EYA2: variants seen among roughly 807,000 people sequenced by gnomAD.
The protein encoded by EYA2 is EYA transcriptional coactivator and phosphatase 2.
Under a neutral mutation model 69.2 loss-of-function variants are expected in EYA2, and 31 were observed. The observed-to-expected ratio is 0.45, with a 90% CI of 0.34 to 0.60. The LOEUF is 0.60. Among genes scored for constraint, EYA2 ranks in the 20% least tolerant of loss-of-function variants. The pLI is 0.02. For missense variants in EYA2, 622 were observed against 701.2 expected, an observed-to-expected ratio of 0.89 and a Z score of 1.28; for synonymous variants, 257 against 279.4, an observed-to-expected ratio of 0.92 and a Z score of 0.80.
At chr20:47,077,405 G>A (rs1442706896) in intron 7 of EYA2, among the ~76,000 whole-genome samples, 1 of 152,246 alleles carries the variant, frequency 6.6e-6, no homozygotes, top group East Asian at 1.9e-4. Context: ...ACGTTAGAAT[G>A]TCAGTAGATA....
In EYA2 at chr20:47,005,097, C is replaced by T; in HGVS notation, c.298+13C>T. On this transcript the variant is annotated intron_variant, in intron 4 of 15. Transcript: ENST00000327619. ...ATCCCTTCCTACAGTGAGTAGTAAACAAGTCCTTACTCTCCTCCTCAGGTC... is the reference window on the plus strand; with the variant it reads ...ATCCCTTCCTACAGTGAGTAGTAAATAAGTCCTTACTCTCCTCCTCAGGTC... 1 of 1,612,570 alleles carries T rather than the reference C, an allele frequency of 6.2e-7. No homozygotes were observed. The highest frequency in any genetic ancestry group is 8.5e-7 in the Non-Finnish European group (1 of 1,179,284).
rs2034353386 is a variant in EYA2, at chr20:47,172,886, G to C, written c.1198+19G>C. 1 of 1,591,020 alleles carries C rather than the reference G, an allele frequency of 6.3e-7. No homozygotes were observed. Among genetic ancestry groups the C allele is most frequent in the African/African-American group, 1.3e-5 (1 of 74,408 alleles). ...GTTGGTGGTGAGTACTGTGAGCCTT[G>C]GGCCTCCGAGGAAGGGAAACTCATT... is the stretch of plus-strand genomic sequence containing the variant. On this transcript the variant is annotated intron_variant, in intron 12 of 15. Transcript: ENST00000327619.
chr20:46,903,974 A>G (rs140853822), intron 1 of EYA2, among the ~76,000 whole-genome samples: 107 of 152,328 alleles, frequency 7.0e-4, no homozygotes, highest in Middle Eastern at 3.4e-3. Context: ...ATTATGGGGA[A>G]CAGTGCACTG....
intron 7 of EYA2, among the ~76,000 whole-genome samples, chr20:47,088,534 A>G (rs1600700209): frequency 6.6e-6 from 1 of 152,244 alleles, no homozygotes; most frequent in South Asian, 2.1e-4. Flanking sequence ...CTAGCCCCAT[A>G]TAAATGAGTC....
chr20:47,091,053 A>G lies in EYA2; in HGVS notation c.804+1672A>G, dbSNP rs1182546604. 2.0e-5 allele frequency among the ~76,000 whole-genome samples: 3 copies of G among 152,166 alleles called. No individual in the cohort carries two copies. In the East Asian group the frequency reaches 5.8e-4, roughly 29 times the overall value. On this transcript the variant is annotated intron_variant, in intron 8 of 15. Transcript: ENST00000327619. Reference sequence around the variant, plus strand: ...CACCAGCGTCACATCCCTATTTATAATCTGTATACTTTATGCGGCAGCTGC... The same window carrying G: ...CACCAGCGTCACATCCCTATTTATAGTCTGTATACTTTATGCGGCAGCTGC...
intron 5 of EYA2, among the ~76,000 whole-genome samples, chr20:47,022,438 CA>C (rs1457683136): frequency 1.3e-5 from 2 of 152,040 alleles, no homozygotes; most frequent in African/African-American, 2.4e-5. Flanking sequence ...CTCAGTCTCC[CA>C]AGTAGCTGGG....
intron 1 of EYA2, among the ~76,000 whole-genome samples, chr20:46,912,687 A>ATTTTTTTTTTTTTTTTTTTTTTTTTT (rs11473019): frequency 6.9e-6 from 1 of 145,714 alleles, no homozygotes. Flanking sequence ...GGAATTTTTA[A>ATTTTTTTTTTTTTTTTTTTTTTTTTT]TTTTTTTTTT....
intron 9 of EYA2, among the ~76,000 whole-genome samples, chr20:47,138,049 T>C (rs1014176198): frequency 2.6e-5 from 4 of 151,256 alleles, no homozygotes; most frequent in Admixed American, 2.6e-4. Context: ...AAATGACGAG[T>C]TAATGGGTGC....
chr20:47,097,497 C>T (rs187360310), intron 9 of EYA2, among the ~76,000 whole-genome samples: 1 of 152,208 alleles, frequency 6.6e-6, no homozygotes, highest in East Asian at 1.9e-4. Flanking sequence ...GTAATTCTAG[C>T]TAGAAAACGA....
At chr20:47,062,250 A>G (rs2030921471) in intron 5 of EYA2, among the ~76,000 whole-genome samples, 1 of 152,186 alleles carries the variant, frequency 6.6e-6, no homozygotes, top group Admixed American at 6.5e-5. Flanking sequence ...AAATGTACAC[A>G]TCCTCAGCAT....
intron 9 of EYA2, among the ~76,000 whole-genome samples, chr20:47,136,828 G>A (rs769069973): frequency 7.2e-5 from 11 of 151,776 alleles, no homozygotes; most frequent in African/African-American, 1.2e-4. Context: ...CTCTCCTGAA[G>A]GGCAGTTCCA....
intron 1 of EYA2, among the ~76,000 whole-genome samples, chr20:46,908,338 G>A (rs533558071): frequency 2.0e-5 from 3 of 152,308 alleles, no homozygotes; most frequent in East Asian, 1.9e-4. Context: ...CAGGGGAGGC[G>A]AGAGGAATGC....
At chr20:46,974,730 G>A (rs192439766) in intron 1 of EYA2, among the ~76,000 whole-genome samples, 8 of 139,884 alleles carry the variant, frequency 5.7e-5, no homozygotes, top group Admixed American at 3.5e-4. Context: ...TTGGGGTGTG[G>A]GTTTGGTTTG....
chr20:46,907,579 C>T (rs1296697437), intron 1 of EYA2, among the ~76,000 whole-genome samples: 1 of 152,178 alleles, frequency 6.6e-6, no homozygotes, highest in Non-Finnish European at 1.5e-5. Flanking sequence ...TGGCTCACAC[C>T]CGTAACCCCA....
At chr20:46,987,525 A>T (rs868136564) in intron 1 of EYA2, among the ~76,000 whole-genome samples, 1 of 152,168 alleles carries the variant, frequency 6.6e-6, no homozygotes, top group African/African-American at 2.4e-5. Context: ...TCTTGAAAAC[A>T]GTGTTGATCA....
At chr20:47,032,224 T>A (rs186719653) in intron 5 of EYA2, among the ~76,000 whole-genome samples, 88 of 152,110 alleles carry the variant, frequency 5.8e-4, no homozygotes, top group Admixed American at 1.6e-3. Flanking sequence ...GGGACCAGAG[T>A]CCAGATTCCA....
chr20:47,157,811 C>G (rs2033985910), intron 10 of EYA2, among the ~76,000 whole-genome samples: 1 of 151,884 alleles, frequency 6.6e-6, no homozygotes, highest in South Asian at 2.1e-4. Flanking sequence ...AAAAAGGCAC[C>G]AGGTCCCACT....
chr20:47,073,129 C>A (rs1034590854), intron 6 of EYA2, among the ~76,000 whole-genome samples: 1 of 152,178 alleles, frequency 6.6e-6, no homozygotes, highest in Non-Finnish European at 1.5e-5. Context: ...TGACCACCCC[C>A]GCAACCCCCA....
At chr20:46,906,959 T>A (rs1428219684) in intron 1 of EYA2, among the ~76,000 whole-genome samples, 3 of 152,216 alleles carry the variant, frequency 2.0e-5, no homozygotes, top group Non-Finnish European at 4.4e-5. Context: ...TTCCATTATC[T>A]TTAGGGTACA....
Sources: gnomAD v4.1 joint callset for allele counts (sites outside exome capture counted in the v4.1 genomes callset) on GRCh38, gnomAD v4.1.1 for gene constraint, MANE v1.5 for transcripts, NCBI Gene and HGNC (gene_info 2026-07-23, HGNC 2026-07-21) for gene names.